Variants in POLR1C observed in about 807,000 individuals in gnomAD.
The protein encoded by POLR1C is DNA-directed RNA polymerases I and III subunit RPAC1.
A neutral mutation model predicts 38.3 loss-of-function variants in POLR1C; 42 were observed. The ratio of observed to expected loss-of-function variants is 1.10; its 90% CI spans 0.86 to 1.42. The LOEUF is 1.42. POLR1C is among the 40% of genes most tolerant of loss of function. POLR1C has a pLI of 0.00. For missense variants in POLR1C, 507 were observed against 450.5 expected (o/e 1.13, Z -1.14); for synonymous variants, 163 against 163.9 (o/e 0.99, Z 0.04).
downstream of POLR1C, among the ~76,000 whole-genome samples, chr6:43,532,789 G>C (rs1212024391): frequency 6.6e-6 from 1 of 152,152 alleles, no homozygotes; most frequent in Non-Finnish European, 1.5e-5. Flanking sequence ...AATTATGACT[G>C]CACAGTTATT....
chr6:43,548,725 T>C (rs1464699515), intron 9 of POLR1C, among the ~76,000 whole-genome samples: 2 of 150,708 alleles, frequency 1.3e-5, no homozygotes, highest in Non-Finnish European at 3.0e-5. Flanking sequence ...GTTTTATATA[T>C]ATATATAGAT....
At chr6:43,553,237 G>A in intron 10 of POLR1C, 1 of 1,138,166 alleles carries the variant, frequency 8.8e-7, no homozygotes, top group Non-Finnish European at 1.2e-6. Context: ...AGGAGTTGGA[G>A]GTTACAGAGA....
Position 43,519,427 on chromosome 6 carries a change from T to G in POLR1C, c.236T>G (p.Ile79Ser). 2 of 1,611,958 alleles carry G rather than the reference T, an allele frequency of 1.2e-6. No homozygotes were observed. Among genetic ancestry groups the G allele is most frequent in the South Asian group, 2.2e-5 (2 of 91,034 alleles). ...DAAIANAFRR[I>S]LLAEVPTMAV... ...GCCATTGCCAATGCTTTTCGACGAA[T>G]TCTGCTAGCTGAGGTATTGGCAGGC... Residue 79 changes from isoleucine (I) to serine (S), a missense_variant, in exon 3 of 9, where the codon ATT becomes AGT. Transcript: ENST00000642195.
downstream of POLR1C, chr6:43,524,899 T>C: frequency 1.2e-6 from 2 of 1,614,026 alleles, no homozygotes; most frequent in Non-Finnish European, 1.7e-6. Flanking sequence ...TGCCCGTGCA[T>C]CTGTAAGCCT....
At chr6:43,534,398 G>A (rs996357757), downstream of POLR1C, among the ~76,000 whole-genome samples, 1 of 152,140 alleles carries the variant, frequency 6.6e-6, no homozygotes. Flanking sequence ...GTGGTAATTT[G>A]CCCCATTTTT....
chr6:43,556,114 A>G, intron 10 of POLR1C: 2 of 1,029,042 alleles, frequency 1.9e-6, no homozygotes, highest in South Asian at 3.9e-5. Flanking sequence ...TCACTCAATA[A>G]AACTTTATTA....
intron 9 of POLR1C, chr6:43,549,956 G>A (rs1795148596): frequency 6.2e-7 from 1 of 1,610,064 alleles, no homozygotes; most frequent in South Asian, 1.1e-5. Context: ...GAGGAAAAAA[G>A]GTCACTCATG....
chr6:43,555,818 G>C (rs1251665279), intron 10 of POLR1C: 2 of 1,613,332 alleles, frequency 1.2e-6, no homozygotes, highest in Admixed American at 1.7e-5. Flanking sequence ...CTAACATTCA[G>C]TAATGAAAAA....
chr6:43,532,033 A>G (rs553855953), downstream of POLR1C, among the ~76,000 whole-genome samples: 6 of 152,318 alleles, frequency 3.9e-5, no homozygotes, highest in South Asian at 1.2e-3. Context: ...TTACATTTCG[A>G]GTCCTATAGT....
chr6:43,562,091 A>C (rs532623623), exon 11 of POLR1C: 7 of 538,950 alleles, frequency 1.3e-5, no homozygotes, highest in East Asian at 9.1e-5. Context: ...CTATTCTATT[A>C]AGATAATTTA....
At chr6:43,540,617 C>T (rs1794642016) in intron 9 of POLR1C, among the ~76,000 whole-genome samples, 3 of 152,290 alleles carry the variant, frequency 2.0e-5, no homozygotes, top group Middle Eastern at 6.8e-3. Flanking sequence ...CATGCCTTTG[C>T]ATGCCAGCCT....
At chr6:43,556,043 C>T (rs1247522920) in intron 10 of POLR1C, 3 of 1,563,620 alleles carry the variant, frequency 1.9e-6, no homozygotes, top group Non-Finnish European at 1.7e-6. Flanking sequence ...ATTAATTTAC[C>T]ACCCTAGGGG....
At chr6:43,549,378 G>T in intron 9 of POLR1C, 1 of 1,087,094 alleles carries the variant, frequency 9.2e-7, no homozygotes, top group Non-Finnish European at 1.3e-6. Flanking sequence ...ATGCTTATAT[G>T]ATGCAAAGCT....
chr6:43,535,154 T>C (rs1165584890), intron 9 of POLR1C, among the ~76,000 whole-genome samples: 2 of 150,866 alleles, frequency 1.3e-5, no homozygotes, highest in South Asian at 2.1e-4. Flanking sequence ...TAGCCGGACG[T>C]GGTGGTGGGT....
In POLR1C at chr6:43,519,750, A is replaced by G; in HGVS notation, c.294A>G (p.Thr98=). The G allele has an allele frequency of 1.2e-6, 2 of 1,613,978 alleles. No homozygotes were observed. Among genetic ancestry groups the G allele is most frequent in the Non-Finnish European group, 1.7e-6 (2 of 1,179,872 alleles). ...AVEKVLVYNN[T]SIVQDEILAH... ...AGAAGGTCCTGGTGTACAATAATAC[A>G]TCCATTGTTCAGGATGAGATTCTTG... The change falls in exon 4 of 9, where the codon ACA becomes ACG. Residue 98 remains threonine, a synonymous_variant. Coordinates refer to ENST00000642195, the MANE Select transcript of POLR1C (RefSeq NM_203290.4).
Position 43,520,286 on chromosome 6 carries a change from C to T in POLR1C, c.514C>T (p.His172Tyr). Residue 172 changes from histidine (H) to tyrosine (Y), a missense_variant, in exon 6 of 9, where the codon CAT (histidine) becomes TAT (tyrosine). By Grantham distance (83) the His-to-Tyr change is moderately conservative. Transcript: ENST00000642195. ...LYVNHKVYTR[H>Y]MTWIPLGNQA... Reference sequence around the variant, plus strand: ...TGTTTTTCCTCCAGTGTATACCAGGCATATGACATGGATCCCCCTGGGGAA... The same window carrying T: ...TGTTTTTCCTCCAGTGTATACCAGGTATATGACATGGATCCCCCTGGGGAA... 1 of 1,612,986 alleles carries T rather than the reference C, an allele frequency of 6.2e-7. No individual in the cohort carries two copies. Among genetic ancestry groups the T allele is most frequent in the Non-Finnish European group, 8.5e-7 (1 of 1,180,018 alleles).
At chr6:43,530,190 G>C (rs112230351), downstream of POLR1C, among the ~76,000 whole-genome samples, 833 of 152,228 alleles carry the variant, frequency 5.5e-3, 9 homozygotes, top group African/African-American at 0.019. Flanking sequence ...CCAGGAGGTG[G>C]AAGTTGCAGT....
intron 10 of POLR1C, chr6:43,551,417 T>A: frequency 6.2e-7 from 1 of 1,613,970 alleles, no homozygotes; most frequent in Non-Finnish European, 8.5e-7. Context: ...TTCAGAACCA[T>A]CTGCAATAGC....
chr6:43,560,356 A>C, intron 10 of POLR1C: 2 of 1,525,690 alleles, frequency 1.3e-6, no homozygotes, highest in Non-Finnish European at 1.8e-6. Context: ...TATATAACCC[A>C]GATTATTACT....
Sources: allele counts gnomAD v4.1 joint callset (sites outside exome capture counted in the v4.1 genomes callset), GRCh38; gene constraint gnomAD v4.1.1; transcripts MANE v1.5; gene names NCBI Gene and HGNC (gene_info 2026-07-23, HGNC 2026-07-21).